The following SIMC1 variants were observed in gnomAD, a reference collection of about 807,000 sequenced individuals.
The protein encoded by SIMC1 is SUMO-interacting motif-containing protein 1.
SIMC1 carries 55 observed loss-of-function variants against 82.3 expected under a neutral mutation model. The ratio of observed to expected loss-of-function variants is 0.67; its 90% CI spans 0.54 to 0.84. The LOEUF (loss-of-function observed/expected upper bound fraction) is 0.84. Ranked by LOEUF, SIMC1 falls within the 40% of genes least tolerant of loss-of-function variation. The pLI, the probability that SIMC1 is intolerant of heterozygous loss-of-function variation, is 0.00. For missense variants in SIMC1, 915 were observed against 1,107.2 expected (o/e 0.83, Z 2.46); for synonymous variants, 353 against 426.3 (o/e 0.83, Z 2.12).
chr5:176,255,133 C>T (rs1346801669), intron 1 of SIMC1, among the ~76,000 whole-genome samples: 1 of 151,292 alleles, frequency 6.6e-6, no homozygotes, highest in African/African-American at 2.4e-5. Context: ...AAAAATTAGC[C>T]AGCATGGTGG....
chr5:176,297,053 A>G (rs1322309435), intron 4 of SIMC1, among the ~76,000 whole-genome samples: 1 of 152,184 alleles, frequency 6.6e-6, no homozygotes, highest in South Asian at 2.1e-4. Flanking sequence ...TAGAAACACA[A>G]TATCTAATAG....
intron 9 of SIMC1, among the ~76,000 whole-genome samples, chr5:176,339,030 T>C (rs1171898081): frequency 6.6e-6 from 1 of 152,052 alleles, no homozygotes; most frequent in Non-Finnish European, 1.5e-5. Context: ...AGGCTAAGGG[T>C]CTTCTCTGTG....
At chr5:176,324,354 T>G (rs1309116039) in intron 6 of SIMC1, among the ~76,000 whole-genome samples, 2 of 152,218 alleles carry the variant, frequency 1.3e-5, no homozygotes, top group Non-Finnish European at 2.9e-5. Flanking sequence ...TGTGTGGTTC[T>G]ATTTTTGAAT....
chr5:176,289,733 C>T lies in SIMC1; in HGVS notation c.209C>T (p.Ala70Val). The change falls in exon 2 of 10, where the codon GCT becomes GTT. Residue 70 changes from alanine to valine, a missense_variant. This residue lies in a region of SIMC1 where 902 missense variants were observed against 1,040.3 expected (regional missense o/e 0.87). Transcript: ENST00000429602. Reference sequence around the variant, plus strand: ...CTGTATGTGATTGACCTGACAAGAGCTGAGGGAGAAAATAGACCTATTGCC... The same window carrying T: ...CTGTATGTGATTGACCTGACAAGAGTTGAGGGAGAAAATAGACCTATTGCC... Reference protein sequence around the residue: ...SGLYVIDLTRAEGENRPIATL... With the variant: ...SGLYVIDLTRVEGENRPIATL... 1 of 1,613,564 alleles carries T rather than the reference C, an allele frequency of 6.2e-7. No homozygotes were observed. Among genetic ancestry groups the T allele is most frequent in the African/African-American group, 1.3e-5 (1 of 75,020 alleles).
intron 1 of SIMC1, among the ~76,000 whole-genome samples, chr5:176,251,043 T>G (rs1761632824): frequency 6.6e-6 from 1 of 152,158 alleles, no homozygotes; most frequent in Non-Finnish European, 1.5e-5. Flanking sequence ...ATGCAGTTTC[T>G]TCATAGTGTT....
At chr5:176,327,166 A>T (rs1765429776) in intron 7 of SIMC1, among the ~76,000 whole-genome samples, 1 of 152,212 alleles carries the variant, frequency 6.6e-6, no homozygotes. Context: ...GTAACAAAAA[A>T]AAATTAGGAA....
Position 176,305,530 on chromosome 5 carries a change from T to TG in SIMC1, c.1735-8154dup, listed in dbSNP as rs1174723099. Among the ~76,000 whole-genome samples, 251 of 52,522 alleles carry TG rather than the reference T, an allele frequency of 4.8e-3. 1 individual carries two copies. The highest frequency in any genetic ancestry group is 0.027 in the Admixed American group (168 of 6,214). The allele number at this position is 52,522 out of a possible 152,430, so 34.5% of individuals were successfully genotyped here. On this transcript the variant is annotated intron_variant, in intron 4 of 9. Transcript: ENST00000429602. ...CCAGCCACCCCGTCTGGGAGGGAGG[T>TG]GGGGGGGTCAGCCCCCCGCCTGGCC...
chr5:176,281,078 T>C (rs1231713684), intron 1 of SIMC1, among the ~76,000 whole-genome samples: 1 of 152,200 alleles, frequency 6.6e-6, no homozygotes, highest in Non-Finnish European at 1.5e-5. Flanking sequence ...CAATCAGACG[T>C]AGATTTGTTC....
Position 176,290,792 on chromosome 5 carries a change from C to T in SIMC1, c.1268C>T (p.Ser423Leu), listed in dbSNP as rs1342340778. ...VMETPARKEI[S>L]LSEPAKPGSA... ...GAAACCCCAGCCAGAAAAGAAATAT[C>T]ACTGTCAGAGCCTGCCAAACCTGGG... The change falls in exon 2 of 10, where the codon TCA becomes TTA. Residue 423 changes from serine to leucine, a missense_variant. Around this residue, in one of 2 missense-constraint regions of SIMC1, gnomAD observed 902 missense variants for 1,040.3 expected, o/e 0.87. Transcript: ENST00000429602. 1 of 1,613,504 alleles carries T rather than the reference C, an allele frequency of 6.2e-7. No homozygotes were observed. Among genetic ancestry groups the T allele is most frequent in the South Asian group, 1.1e-5 (1 of 91,046 alleles).
Position 176,240,190 on chromosome 5 carries a change from G to C in SIMC1, c.129+1553G>C, listed in dbSNP as rs1394564916. Among the ~76,000 whole-genome samples, 8 of 91,014 alleles carry C rather than the reference G, an allele frequency of 8.8e-5. 3 individuals carry two copies. The highest frequency in any genetic ancestry group is 1.9e-4 in the Non-Finnish European group (8 of 41,300). 59.7% of individuals were successfully genotyped at this position (91,014 alleles called of 152,430 possible). ...GAGTATTGAAGGCCTAATAGTGACT[G>C]AGATCATCAAGGAAAAGAGTAGAGA... On this transcript the variant is annotated intron_variant, in intron 1 of 9. Transcript: ENST00000429602.
intron 4 of SIMC1, chr5:176,308,565 G>C (rs907595433): frequency 6.3e-7 from 1 of 1,593,752 alleles, no homozygotes; most frequent in African/African-American, 1.3e-5. Flanking sequence ...GGCTGGCCGG[G>C]TACTCTACAC....
intron 1 of SIMC1, among the ~76,000 whole-genome samples, chr5:176,285,977 A>G (rs1372233878): frequency 1.3e-5 from 2 of 152,232 alleles, no homozygotes; most frequent in African/African-American, 4.8e-5. Flanking sequence ...TGCTCAACGA[A>G]ATAAAAGAGG....
chr5:176,263,166 G>A lies in SIMC1; in HGVS notation c.129+24529G>A, dbSNP rs116929326. ...CTACATAAATGGAGAAACATTTCAT[G>A]TTTGTGAATAGGAAAACTCAATGTC... On this transcript the variant is annotated intron_variant, in intron 1 of 9. Coordinates refer to ENST00000429602, the MANE Select transcript of SIMC1 (RefSeq NM_001308195.2). Among the ~76,000 whole-genome samples, 209 of 152,342 alleles carry A rather than the reference G, an allele frequency of 1.4e-3. No individual in the cohort carries two copies. The East Asian group carries it at 0.025, about 18-fold the overall frequency.
intron 1 of SIMC1, among the ~76,000 whole-genome samples, chr5:176,242,969 G>C (rs1260408764): frequency 3.3e-5 from 5 of 151,862 alleles, no homozygotes. Flanking sequence ...AATCTTTGCT[G>C]TTTGATAGCC....
intron 8 of SIMC1, 36 bp from the exon 9 acceptor site, chr5:176,337,026 G>A (rs777749300): frequency 6.2e-7 from 1 of 1,608,178 alleles, no homozygotes; most frequent in African/African-American, 1.3e-5. Flanking sequence ...AACTGGGGAA[G>A]GCATTTATTA....
chr5:176,253,333 C>T lies in SIMC1; in HGVS notation c.129+14696C>T, dbSNP rs140837156. The stretch of plus-strand genomic sequence containing the variant: ...CTTCATTTCAACTTGGTGAATATGA[C>T]GATTATGCGTCTTGGGGTTGCTCTT... On this transcript the variant is annotated intron_variant, in intron 1 of 9. Transcript: ENST00000429602. Among the ~76,000 whole-genome samples the T allele has an allele frequency of 5.3e-5, 8 of 152,180 alleles. No individual in the cohort carries two copies. In the East Asian group the frequency reaches 1.2e-3, roughly 22 times the overall value.
chr5:176,305,907 C>A (rs1168062587), intron 4 of SIMC1, among the ~76,000 whole-genome samples: 1 of 83,788 alleles, frequency 1.2e-5, no homozygotes, highest in East Asian at 3.8e-4. Flanking sequence ...AGGTGAGGGG[C>A]GCTTCTGCCC....
intron 1 of SIMC1, among the ~76,000 whole-genome samples, chr5:176,280,805 T>TA (rs1471641773): frequency 1.3e-5 from 2 of 152,250 alleles, no homozygotes; most frequent in Admixed American, 1.3e-4. Context: ...GATCCGCTGT[T>TA]AGTCTGGTGG....
At chr5:176,303,253 G>A (rs1198412785) in intron 4 of SIMC1, among the ~76,000 whole-genome samples, 1 of 119,536 alleles carries the variant, frequency 8.4e-6, no homozygotes. Flanking sequence ...GGGTGACAGA[G>A]TGAGACTCTG....
Sources: allele counts gnomAD v4.1 joint callset (sites outside exome capture counted in the v4.1 genomes callset), GRCh38; gene constraint gnomAD v4.1.1; regional missense constraint gnomAD v4.1.1; transcripts MANE v1.5; gene names NCBI Gene and HGNC (gene_info 2026-07-23, HGNC 2026-07-21).